The following ACER2 variants were observed in gnomAD, a reference collection of about 807,000 sequenced individuals.
ACER2 encodes the protein alkaline ceramidase 2.
A neutral mutation model predicts 34.7 loss-of-function variants in ACER2; 26 were observed. That is an observed-to-expected ratio of 0.75 (90% CI 0.55 to 1.04). ACER2 has a LOEUF of 1.04. Ranked by LOEUF, ACER2 falls within the 50% of genes least tolerant of loss-of-function variation. The pLI is 0.00. For synonymous variants in ACER2, 138 were observed against 132.1 expected (o/e 1.04, Z -0.31); for missense variants, 352 against 340.8 (o/e 1.03, Z -0.26).
intron 1 of ACER2, among the ~76,000 whole-genome samples, chr9:19,417,673 C>G (rs10964127): frequency 0.14 from 20,768 of 152,020 alleles, 1,543 homozygotes; most frequent in South Asian, 0.25. Context: ...AATCAGAAAA[C>G]TGAAACTTCC....
chr9:19,445,205 T>C (rs893336812), intron 4 of ACER2, among the ~76,000 whole-genome samples: 1 of 152,326 alleles, frequency 6.6e-6, no homozygotes, highest in Admixed American at 6.5e-5. Context: ...TGAGCAAGTC[T>C]TTGTCAAGGA....
In ACER2 at chr9:19,438,482, C is replaced by T. The variant is rs903864649; in HGVS notation, c.503+3398C>T. ...GTTTGTGGACCTGGAGGGACTGGCT[C>T]CTGGGCCTTTGGCTCCATTTGCATC... On this transcript the variant is annotated intron_variant, in intron 4 of 5. Coordinates refer to ENST00000340967, the MANE Select transcript of ACER2 (RefSeq NM_001010887.3). 1.1e-4 allele frequency among the ~76,000 whole-genome samples: 16 copies of T among 152,326 alleles called. No individual in the cohort carries two copies. In the East Asian group the frequency reaches 1.3e-3, roughly 13 times the overall value.
chr9:19,426,390 C>T (rs1830573053), intron 3 of ACER2, among the ~76,000 whole-genome samples: 5 of 140,788 alleles, frequency 3.6e-5, no homozygotes, highest in Admixed American at 2.1e-4. Flanking sequence ...CTCTCTCTCT[C>T]TCCTCCTTTC....
chr9:19,430,647 A>G (rs1037214486), intron 3 of ACER2, among the ~76,000 whole-genome samples: 6 of 152,280 alleles, frequency 3.9e-5, no homozygotes, highest in African/African-American at 1.4e-4. Flanking sequence ...GCATCTGCAG[A>G]TGGCCTCCCT....
At position 19,432,664 on chromosome 9, in the gene ACER2, A is replaced by G; in HGVS notation, c.366-2283A>G. 2.0e-5 allele frequency among the ~76,000 whole-genome samples: 3 copies of G among 148,208 alleles called. No individual in the cohort carries two copies. The South Asian group carries it at 6.3e-4, about 31-fold the overall frequency. On this transcript the variant is annotated intron_variant, in intron 3 of 5. Coordinates refer to ENST00000340967, the MANE Select transcript of ACER2 (RefSeq NM_001010887.3). The stretch of plus-strand genomic sequence containing the variant: ...CACATATTTAATTATACTTATAACC[A>G]TATAGTTATGCTATATATAGATATG...
At chr9:19,446,073 C>T in intron 4 of ACER2, 1 of 788,646 alleles carries the variant, frequency 1.3e-6, no homozygotes, top group Admixed American at 1.7e-5. Context: ...AGGAGAGAAG[C>T]CTGGGTGGGA....
intron 1 of ACER2, among the ~76,000 whole-genome samples, chr9:19,422,447 G>C (rs1008983444): frequency 6.6e-6 from 1 of 152,118 alleles, no homozygotes; most frequent in African/African-American, 2.4e-5. Context: ...TAACAGAGAG[G>C]CTTAAATCCA....
At chr9:19,415,368 T>C (rs1162410194) in intron 1 of ACER2, among the ~76,000 whole-genome samples, 1 of 152,040 alleles carries the variant, frequency 6.6e-6, no homozygotes, top group Admixed American at 6.6e-5. Flanking sequence ...GGCACTTACC[T>C]GTAGTCCCAG....
At chr9:19,447,325 T>C (rs1041174518) in intron 5 of ACER2, among the ~76,000 whole-genome samples, 1 of 152,210 alleles carries the variant, frequency 6.6e-6, no homozygotes, top group African/African-American at 2.4e-5. Flanking sequence ...GCTAAAAATA[T>C]ACAATTTGAT....
At chr9:19,437,893 T>C (rs1000618193) in intron 4 of ACER2, among the ~76,000 whole-genome samples, 2 of 152,262 alleles carry the variant, frequency 1.3e-5, no homozygotes, top group Non-Finnish European at 2.9e-5. Flanking sequence ...CTCTTAAATA[T>C]AGATACTTAT....
intron 3 of ACER2, among the ~76,000 whole-genome samples, chr9:19,427,769 C>A (rs1298096869): frequency 6.6e-6 from 1 of 151,986 alleles, no homozygotes; most frequent in African/African-American, 2.4e-5. Context: ...TATGTTCACG[C>A]CATTCTCCTG....
intron 4 of ACER2, among the ~76,000 whole-genome samples, chr9:19,440,406 G>T (rs1479612732): frequency 6.6e-6 from 1 of 152,158 alleles, no homozygotes; most frequent in Admixed American, 6.5e-5. Flanking sequence ...ATTAGGAGGT[G>T]GGCCCTTTTG....
chr9:19,413,452 T>C (rs1830149431), intron 1 of ACER2, among the ~76,000 whole-genome samples: 1 of 151,958 alleles, frequency 6.6e-6, no homozygotes, highest in Non-Finnish European at 1.5e-5. Context: ...TACAAAAAAC[T>C]AGCCAAGTGT....
At chr9:19,440,062 C>T (rs1036172653) in intron 4 of ACER2, among the ~76,000 whole-genome samples, 30 of 152,036 alleles carry the variant, frequency 2.0e-4, no homozygotes, top group African/African-American at 7.2e-4. Flanking sequence ...TACTTTGTTA[C>T]CCAAATCCCT....
chr9:19,420,813 A>G (rs1016346910), intron 1 of ACER2, among the ~76,000 whole-genome samples: 11 of 152,184 alleles, frequency 7.2e-5, no homozygotes, highest in Admixed American at 6.5e-4. Flanking sequence ...AAGACGGAGT[A>G]TATGCTACAC....
intron 5 of ACER2, among the ~76,000 whole-genome samples, chr9:19,448,957 G>T (rs908146042): frequency 2.0e-5 from 3 of 152,052 alleles, no homozygotes; most frequent in Non-Finnish European, 4.4e-5. Flanking sequence ...TGGCTAACAC[G>T]GTGAAACCCC....
rs139434771 is a variant in ACER2, at chr9:19,429,942, C to G, written c.366-5005C>G. ...GTTTTGGTAGCTTATAGCAGTGGAT[C>G]TTAACCAGGGACATTTCCAGTTCTT... On this transcript the variant is annotated intron_variant, in intron 3 of 5. Transcript: ENST00000340967. Among the ~76,000 whole-genome samples, 555 of 152,222 alleles carry G rather than the reference C, an allele frequency of 3.6e-3. 7 individuals carry two copies. Among genetic ancestry groups the G allele is most frequent in the Non-Finnish European group, 3.1e-3 (209 of 68,016 alleles).
intron 1 of ACER2, among the ~76,000 whole-genome samples, chr9:19,417,454 C>T (rs1038168718): frequency 2.6e-5 from 4 of 152,200 alleles, no homozygotes; most frequent in African/African-American, 4.8e-5. Context: ...AGGCATCACG[C>T]TACCTGACTT....
chr9:19,419,274 G>A (rs952791705), intron 1 of ACER2, among the ~76,000 whole-genome samples: 16 of 152,144 alleles, frequency 1.1e-4, no homozygotes, highest in Non-Finnish European at 4.4e-5. Context: ...CTGCTTCTTG[G>A]TAAATGAAAA....
Sources: gnomAD v4.1 joint callset for allele counts (sites outside exome capture counted in the v4.1 genomes callset) on GRCh38, gnomAD v4.1.1 for gene constraint, MANE v1.5 for transcripts, NCBI Gene and HGNC (gene_info 2026-07-23, HGNC 2026-07-21) for gene names.